The following NME7 variants were observed in gnomAD, a reference collection of about 807,000 sequenced individuals.
The protein encoded by NME7 is NME/NM23 family member 7, also known as nucleoside diphosphate kinase 7.
Under a neutral mutation model 49.1 loss-of-function variants are expected in NME7, and 41 were observed. The observed-to-expected ratio is 0.83, with a 90% CI of 0.65 to 1.08. The LOEUF is 1.08. NME7 is among the 50% of genes least tolerant of loss of function. The pLI is 0.00. For missense variants in NME7, 423 were observed against 463.4 expected, an observed-to-expected ratio of 0.91 and a Z score of 0.80; for synonymous variants, 139 against 150.6, an observed-to-expected ratio of 0.92 and a Z score of 0.56.
chr1:169,194,699 T>C (rs1450007012), intron 10 of NME7, among the ~76,000 whole-genome samples: 1 of 152,166 alleles, frequency 6.6e-6, no homozygotes, highest in Non-Finnish European at 1.5e-5. Context: ...TAAACTAAAT[T>C]TGTTGTAATT....
chr1:169,311,642 T>A (rs1002344386), intron 3 of NME7, among the ~76,000 whole-genome samples: 2 of 152,146 alleles, frequency 1.3e-5, no homozygotes, highest in African/African-American at 4.8e-5. Context: ...ACTTTTTAAT[T>A]CATATTATTT....
At chr1:169,172,973 AATGAACAC>A (rs1229449323) in intron 10 of NME7, among the ~76,000 whole-genome samples, 1 of 152,218 alleles carries the variant, frequency 6.6e-6, no homozygotes, top group Non-Finnish European at 1.5e-5. Context: ...GTATCTTACT[AATGAACAC>A]ACAGTAAATG....
At chr1:169,251,543 G>GTTTTTTTTTTT (rs1224218781) in intron 7 of NME7, among the ~76,000 whole-genome samples, 1 of 101,052 alleles carries the variant, frequency 9.9e-6, no homozygotes, top group South Asian at 2.9e-4. Flanking sequence ...AGATACTCTG[G>GTTTTTTTTTTT]TTTCTTTTTT....
chr1:169,213,508 T>C (rs971383396), intron 10 of NME7, among the ~76,000 whole-genome samples: 1 of 152,218 alleles, frequency 6.6e-6, no homozygotes, highest in African/African-American at 2.4e-5. Flanking sequence ...CCCTTTAATA[T>C]GCATTTCCCT....
intron 1 of NME7, among the ~76,000 whole-genome samples, chr1:169,340,464 T>C (rs772524175): frequency 1.1e-4 from 17 of 152,312 alleles, no homozygotes; most frequent in Non-Finnish European, 2.2e-4. Flanking sequence ...AGTGTGAAAA[T>C]GGACTAATTC....
At chr1:169,250,852 T>G (rs947380339) in intron 7 of NME7, among the ~76,000 whole-genome samples, 1 of 152,130 alleles carries the variant, frequency 6.6e-6, no homozygotes, top group Admixed American at 6.6e-5. Context: ...TGATAACATT[T>G]CGATTTTTAA....
At chr1:169,218,553 C>T (rs144462292) in intron 10 of NME7, among the ~76,000 whole-genome samples, 65 of 151,680 alleles carry the variant, frequency 4.3e-4, no homozygotes, top group African/African-American at 1.5e-3. Context: ...GGGTGATAGA[C>T]CAAAACCCTG....
At chr1:169,135,783 T>A (rs1374281686) in intron 11 of NME7, among the ~76,000 whole-genome samples, 1 of 152,126 alleles carries the variant, frequency 6.6e-6, no homozygotes, top group African/African-American at 2.4e-5. Flanking sequence ...AATTCTCTAT[T>A]TTTCTCTGAG....
At chr1:169,210,231 C>T (rs1208375) in intron 10 of NME7, among the ~76,000 whole-genome samples, 96,412 of 152,048 alleles carry the variant, frequency 0.63, 30,863 homozygotes, top group East Asian at 0.92. Flanking sequence ...CTGTATACCA[C>T]AGGGAATCTC....
intron 10 of NME7, among the ~76,000 whole-genome samples, chr1:169,172,562 G>A (rs6695252): frequency 0.37 from 56,424 of 151,934 alleles, 11,045 homozygotes; most frequent in East Asian, 0.73. Context: ...ACCATCTTTA[G>A]TTCATTTTTC....
At chr1:169,178,128 C>T (rs538083939) in intron 10 of NME7, among the ~76,000 whole-genome samples, 3 of 152,220 alleles carry the variant, frequency 2.0e-5, no homozygotes, top group East Asian at 1.9e-4. Context: ...CGTGAGCCAC[C>T]GTGCCCAGCC....
chr1:169,211,760 T>TA (rs1660827345), intron 10 of NME7, among the ~76,000 whole-genome samples: 1 of 152,092 alleles, frequency 6.6e-6, no homozygotes, highest in Non-Finnish European at 1.5e-5. Flanking sequence ...AAAATTTAGT[T>TA]AAAAAATCCA....
At chr1:169,183,473 C>A (rs1659979506) in intron 10 of NME7, among the ~76,000 whole-genome samples, 1 of 152,178 alleles carries the variant, frequency 6.6e-6, no homozygotes, top group South Asian at 2.1e-4. Context: ...ACTATAGTTG[C>A]AAGTCAAGTA....
At chr1:169,363,393 TAAAC>T (rs1653732373) in intron 1 of NME7, among the ~76,000 whole-genome samples, 1 of 152,188 alleles carries the variant, frequency 6.6e-6, no homozygotes, top group African/African-American at 2.4e-5. Flanking sequence ...CATATACAAT[TAAAC>T]AAAAGTTCAT....
chr1:169,317,326 G>A (rs1651680774), intron 3 of NME7, among the ~76,000 whole-genome samples: 1 of 152,172 alleles, frequency 6.6e-6, no homozygotes, highest in Non-Finnish European at 1.5e-5. Context: ...GAGAATTGTA[G>A]AATGGAAAGG....
At chr1:169,198,218 A>T (rs760221312) in intron 10 of NME7, among the ~76,000 whole-genome samples, 5 of 152,074 alleles carry the variant, frequency 3.3e-5, no homozygotes, top group Non-Finnish European at 5.9e-5. Context: ...ACTGGTGAGA[A>T]TATGGAGAAG....
intron 10 of NME7, among the ~76,000 whole-genome samples, chr1:169,207,634 A>G (rs759063130): frequency 6.6e-6 from 1 of 152,194 alleles, no homozygotes; most frequent in Non-Finnish European, 1.5e-5. Context: ...TTCACCTTAT[A>G]ACTAGAAAAT....
chr1:169,162,678 T>C (rs1244484437), intron 11 of NME7, among the ~76,000 whole-genome samples: 1 of 151,652 alleles, frequency 6.6e-6, no homozygotes, highest in Non-Finnish European at 1.5e-5. Flanking sequence ...ACCCCATCTT[T>C]ACAAAAAAAA....
chr1:169,249,654 C>G (rs770011488), intron 7 of NME7, among the ~76,000 whole-genome samples: 1 of 151,896 alleles, frequency 6.6e-6, no homozygotes, highest in Non-Finnish European at 1.5e-5. Context: ...AGGTAAAGTT[C>G]CTTTTATATC....
Sources: allele counts gnomAD v4.1 joint callset (sites outside exome capture counted in the v4.1 genomes callset), GRCh38; gene constraint gnomAD v4.1.1; transcripts MANE v1.5; gene names NCBI Gene and HGNC (gene_info 2026-07-23, HGNC 2026-07-21).